Variants in SLC7A11 observed in about 807,000 individuals in gnomAD.
SLC7A11 encodes solute carrier family 7 member 11.
In SLC7A11, 35 loss-of-function variants were observed where a neutral mutation model predicts 54.5. That is an observed-to-expected ratio of 0.64 (90% CI 0.49 to 0.85). The LOEUF is 0.85. SLC7A11 is among the 40% of genes least tolerant of loss of function. The probability of loss-of-function intolerance (pLI) is 0.00; values close to 1 mark genes in which losing one functional copy is unlikely to be tolerated. For missense variants in SLC7A11, 583 were observed against 618.1 expected (o/e 0.94, Z 0.60); for synonymous variants, 230 against 225.2 (o/e 1.02, Z -0.19).
At chr4:138,175,015 A>C (rs1736534523) in intron 11 of SLC7A11, among the ~76,000 whole-genome samples, 1 of 152,160 alleles carries the variant, frequency 6.6e-6, no homozygotes, top group Non-Finnish European at 1.5e-5. Context: ...GTATTTTTTT[A>C]AGGCTACAAA....
chr4:138,172,080 A>C, intron 11 of SLC7A11, 63 bp from the exon 12 acceptor site: 2 of 1,497,048 alleles, frequency 1.3e-6, no homozygotes, highest in Non-Finnish European at 1.8e-6. Context: ...AAAATAGCAA[A>C]ATATGAATTA....
intron 2 of SLC7A11, among the ~76,000 whole-genome samples, chr4:138,234,710 T>C (rs1738163907): frequency 6.6e-6 from 1 of 152,238 alleles, no homozygotes; most frequent in Non-Finnish European, 1.5e-5. Flanking sequence ...GAATATTTTA[T>C]CTGTGCTACT....
At chr4:138,175,024 A>G (rs948729950) in intron 11 of SLC7A11, among the ~76,000 whole-genome samples, 3 of 152,178 alleles carry the variant, frequency 2.0e-5, no homozygotes, top group South Asian at 2.1e-4. Context: ...TAAGGCTACA[A>G]ATATTTTCAC....
rs995689530 is a variant in SLC7A11 at position 138,183,438 on chromosome 4, T to C, written c.916-133A>G. The C allele has an allele frequency of 1.2e-4, 80 of 660,790 alleles. No individual in the cohort carries two copies. In the African/African-American group the frequency reaches 1.3e-3, roughly 11 times the overall value. The allele number at this position is 660,790 out of a possible 1,614,324, so 40.9% of individuals were successfully genotyped here. A position where few individuals can be genotyped will look rare whatever the true frequency, so the allele number is the denominator to read the frequency against. Reference sequence around the variant, plus strand: ...TTGTATGTTTTATAATTTCTCTCTTTGGTTAGGGTCAGACTAACTCCGTAG... The same window carrying C: ...TTGTATGTTTTATAATTTCTCTCTTCGGTTAGGGTCAGACTAACTCCGTAG... On this transcript the variant is annotated intron_variant, in intron 7 of 11. Transcript: ENST00000280612.
Position 138,219,467 on chromosome 4 carries a change from C to G in SLC7A11, c.647-102G>C, listed in dbSNP as rs998447917. The G allele has an allele frequency of 4.7e-5, 32 of 681,036 alleles. No homozygotes were observed. The South Asian group carries it at 5.9e-4, about 12-fold the overall frequency. The allele number at this position is 681,036 out of a possible 1,614,324, so 42.2% of individuals were successfully genotyped here. On this transcript the variant is annotated intron_variant, in intron 4 of 11. Transcript: ENST00000280612. ...TGCGGAGAAACATACTGTTGTAAGTCTAGATTTCTTACTCTCTGTTGATTA... is the reference window on the plus strand; with the variant it reads ...TGCGGAGAAACATACTGTTGTAAGTGTAGATTTCTTACTCTCTGTTGATTA...
At chr4:138,227,194 T>C (rs1737965927) in intron 3 of SLC7A11, among the ~76,000 whole-genome samples, 1 of 152,212 alleles carries the variant, frequency 6.6e-6, no homozygotes, top group Non-Finnish European at 1.5e-5. Flanking sequence ...GGTCAGGTTC[T>C]TCTTGGCTTC....
intron 9 of SLC7A11, among the ~76,000 whole-genome samples, chr4:138,181,330 TC>T (rs1409028997): frequency 1.3e-5 from 2 of 152,042 alleles, no homozygotes; most frequent in Non-Finnish European, 2.9e-5. Context: ...ACATTTACTC[TC>T]CTGGTGTGCT....
In SLC7A11 at chr4:138,212,067, A is replaced by C. The variant is rs576739605; in HGVS notation, c.791+2518T>G. Among the ~76,000 whole-genome samples, 5 of 152,056 alleles carry C rather than the reference A, an allele frequency of 3.3e-5. No individual in the cohort carries two copies. In the South Asian group the frequency reaches 1.0e-3, roughly 32 times the overall value. On this transcript the variant is annotated intron_variant, in intron 6 of 11. Transcript: ENST00000280612. ...CAAAAAAAGATACATGTTTGAGGTG[A>C]TGAGTACCCAATTATCCTGATTTGA...
chr4:138,214,622 G>T lies in SLC7A11; in HGVS notation c.754C>A (p.Leu252Ile), dbSNP rs1737635673. 2 of 1,358,412 alleles carry T rather than the reference G, an allele frequency of 1.5e-6. No individual in the cohort carries two copies. Among genetic ancestry groups the T allele is most frequent in the South Asian group, 2.9e-5 (2 of 68,562 alleles). 84.1% of individuals were successfully genotyped at this position (1,358,412 alleles called of 1,614,324 possible). A position where few individuals can be genotyped will look rare whatever the true frequency, so the allele number is the denominator to read the frequency against. ...TCTACTTCTTCAGTAACAAAGTTGA[G>T]GTAAAACCTAAAAATAGATAAATAA... is the stretch of plus-strand genomic sequence containing the variant. ...GMYAYAGWFYLNFVTEEVENP... is the reference protein window; with the variant it reads ...GMYAYAGWFYINFVTEEVENP... Residue 252 changes from leucine to isoleucine, a missense_variant, in exon 6 of 12, where the codon CTC becomes ATC. Leu to Ile is a conservative substitution (Grantham distance 5). Coordinates refer to ENST00000280612, the MANE Select transcript of SLC7A11 (RefSeq NM_014331.4).
chr4:138,172,964 C>T (rs745451342), intron 11 of SLC7A11, among the ~76,000 whole-genome samples: 4 of 152,130 alleles, frequency 2.6e-5, no homozygotes, highest in Non-Finnish European at 2.9e-5. Flanking sequence ...CTGCCTCAGC[C>T]TCCCAAGTAG....
chr4:138,186,763 C>T (rs774993722), intron 6 of SLC7A11, among the ~76,000 whole-genome samples: 1 of 152,060 alleles, frequency 6.6e-6, no homozygotes, highest in East Asian at 1.9e-4. Flanking sequence ...TCTGTTTCTT[C>T]GTAAGAAGGG....
intron 4 of SLC7A11, 65 bp from the exon 5 acceptor site, chr4:138,219,430 G>T: frequency 1.1e-6 from 1 of 887,440 alleles, no homozygotes; most frequent in Non-Finnish European, 1.9e-6. Flanking sequence ...CTCTTAACCA[G>T]AAACATGGGG....
chr4:138,224,512 G>A (rs866325014), intron 3 of SLC7A11, among the ~76,000 whole-genome samples: 25 of 152,032 alleles, frequency 1.6e-4, no homozygotes, highest in African/African-American at 5.8e-4. Context: ...TAATGAGTCC[G>A]CCTCACAGTT....
chr4:138,197,199 TA>T (rs1464071766), intron 6 of SLC7A11, among the ~76,000 whole-genome samples: 1 of 152,166 alleles, frequency 6.6e-6, no homozygotes, highest in Non-Finnish European at 1.5e-5. Context: ...ACATATATAA[TA>T]ATTAAATTTA....
chr4:138,202,889 C>A (rs1737321470), intron 6 of SLC7A11, among the ~76,000 whole-genome samples: 1 of 152,112 alleles, frequency 6.6e-6, no homozygotes, highest in Admixed American at 6.6e-5. Context: ...TGCCAGTTGT[C>A]CCCAGGCTGA....
chr4:138,195,546 T>C (rs1033426388), intron 6 of SLC7A11, among the ~76,000 whole-genome samples: 4 of 150,394 alleles, frequency 2.7e-5, no homozygotes, highest in Non-Finnish European at 5.9e-5. Flanking sequence ...CCTGGCATGC[T>C]GCTCCCCCTA....
Position 138,166,538 on chromosome 4 carries a change from T to C in SLC7A11, c.*5418A>G, listed in dbSNP as rs554093114. 1 of 152,714 alleles carries C rather than the reference T, an allele frequency of 6.5e-6. No individual in the cohort carries two copies. Among genetic ancestry groups the C allele is most frequent in the East Asian group, 1.9e-4 (1 of 5,180 alleles). The allele number at this position is 152,714 out of a possible 1,614,324, so 9.5% of individuals were successfully genotyped here. On this transcript the variant is annotated 3_prime_UTR_variant, in exon 12 of 12. Transcript: ENST00000280612. ...ACATTAATTCACTTGAAAGTCATAC[T>C]TTTAAAAAAAATCAGTAGTGTATAT...
intron 6 of SLC7A11, among the ~76,000 whole-genome samples, chr4:138,187,796 T>C (rs372913019): frequency 3.9e-5 from 6 of 152,234 alleles, no homozygotes; most frequent in Admixed American, 2.6e-4. Flanking sequence ...GTTTGGGAAA[T>C]AGAATTTTAA....
intron 11 of SLC7A11, chr4:138,176,094 G>T (rs776862414): frequency 6.6e-6 from 1 of 152,122 alleles, no homozygotes; most frequent in Non-Finnish European, 1.5e-5. Flanking sequence ...TGTTGTTTGT[G>T]CGTCTGTGTG....
Sources: allele counts gnomAD v4.1 joint callset (sites outside exome capture counted in the v4.1 genomes callset), GRCh38; gene constraint gnomAD v4.1.1; transcripts MANE v1.5; gene names NCBI Gene and HGNC (gene_info 2026-07-23, HGNC 2026-07-21).